The following TRAF4 variants were observed in gnomAD, a reference collection of about 807,000 sequenced individuals.
TRAF4 encodes TNF receptor-associated factor 4.
In TRAF4, 9 loss-of-function variants were observed where a neutral mutation model predicts 47.3. The ratio of observed to expected loss-of-function variants is 0.19; its 90% CI spans 0.11 to 0.33. The LOEUF (loss-of-function observed/expected upper bound fraction) is 0.33. TRAF4 is among the 10% of genes least tolerant of loss of function. The pLI is 1.00. For synonymous variants in TRAF4, 236 were observed against 236.9 expected (o/e 1.00, Z 0.04); for missense variants, 448 against 620.3 (o/e 0.72, Z 2.95).
chr17:28,744,950 GGA>G (rs2034485961), intron 1 of TRAF4: 1 of 152,358 alleles, frequency 6.6e-6, no homozygotes, highest in East Asian at 1.9e-4. Context: ...TGCCCTCTCA[GGA>G]CGCAGGTTAG....
chr17:28,748,609 C>A lies in TRAF4; in HGVS notation c.723C>A (p.Asp241Glu). The change falls in exon 6 of 7, where the codon GAC becomes GAA. Residue 241 changes from aspartate to glutamate, a missense_variant. Coordinates refer to ENST00000262395, the MANE Select transcript of TRAF4 (RefSeq NM_004295.4). ...AREDLPGHLK[D>E]SCNTALVLCP... Reference sequence around the variant, plus strand: ...AGGACCTGCCAGGCCATCTGAAGGACAGCTGTAACACCGCCCTGGTGCTCT... The same window carrying A: ...AGGACCTGCCAGGCCATCTGAAGGAAAGCTGTAACACCGCCCTGGTGCTCT... 6.2e-7 allele frequency: 1 copy of A among 1,613,224 alleles called. No homozygotes were observed. Among genetic ancestry groups the A allele is most frequent in the South Asian group, 1.1e-5 (1 of 91,074 alleles).
At chr17:28,744,397 G>T in intron 1 of TRAF4, 142 bp downstream of exon 1, 1 of 998,112 alleles carries the variant, frequency 1.0e-6, no homozygotes, top group Non-Finnish European at 1.4e-6. Context: ...ACGTCACGGG[G>T]AGGGATGACG....
intron 1 of TRAF4, chr17:28,747,003 G>T: frequency 2.1e-6 from 1 of 474,184 alleles, no homozygotes; most frequent in Non-Finnish European, 3.7e-6. Context: ...CCTCCTCTAG[G>T]CCCAGACCCC....
rs2034559557 is a variant in TRAF4 at position 28,748,977 on chromosome 17, G to A, written c.813G>A (p.Glu271=). 4 of 1,613,158 alleles carry A rather than the reference G, an allele frequency of 2.5e-6. No homozygotes were observed. The highest frequency in any genetic ancestry group is 3.4e-6 in the Non-Finnish European group (4 of 1,179,882). Residue 271 remains glutamate, a synonymous_variant, in exon 7 of 7, where the codon GAG becomes GAA. Transcript: ENST00000262395. ...CPKLAMARHV[E]ESVKPHLAMM... Reference sequence around the variant, plus strand: ...AGCTGGCAATGGCACGGCATGTGGAGGAGAGTGTGAAGCCACATCTGGCCA... The same window carrying A: ...AGCTGGCAATGGCACGGCATGTGGAAGAGAGTGTGAAGCCACATCTGGCCA...
intron 2 of TRAF4, chr17:28,747,562 T>C: frequency 1.7e-6 from 1 of 583,344 alleles, no homozygotes; most frequent in Non-Finnish European, 3.0e-6. Context: ...CCAGTATCCC[T>C]CCACCAGGGG....
chr17:28,744,843 C>G (rs1222834889), intron 1 of TRAF4: 1 of 152,982 alleles, frequency 6.5e-6, no homozygotes, highest in East Asian at 1.9e-4. Flanking sequence ...AAGGACCCCT[C>G]TAGGCGGCTC....
At chr17:28,747,114 G>T in intron 1 of TRAF4, 99 bp from the exon 2 acceptor site, 1 of 1,392,526 alleles carries the variant, frequency 7.2e-7, no homozygotes, top group Non-Finnish European at 9.9e-7. Flanking sequence ...GTTGGGAACC[G>T]GTCTGGTGAG....
In TRAF4 at chr17:28,748,567, G is replaced by A. The variant is rs1329586804; in HGVS notation, c.681G>A (p.Val227=). 6.2e-7 allele frequency: 1 copy of A among 1,613,522 alleles called. No homozygotes were observed. The highest frequency in any genetic ancestry group is 8.5e-7 in the Non-Finnish European group (1 of 1,179,986). ...LPVACPNQCG[V]GTVAREDLPG... ...TTGCCTGCCCCAACCAATGTGGTGT[G>A]GGCACTGTGGCTCGGGAGGACCTGC... Residue 227 remains valine (V), a synonymous_variant, in exon 6 of 7, where the codon GTG becomes GTA. Coordinates refer to ENST00000262395, the MANE Select transcript of TRAF4 (RefSeq NM_004295.4).
rs369370618 is a variant in TRAF4, at chr17:28,747,234, T to C, written c.165T>C (p.Pro55=). The part of the protein sequence containing the change: ...EFLSEGVFKC[P]EDQLPLDYAK... Reference sequence around the variant, plus strand: ...TCAGTGAAGGAGTCTTCAAGTGCCCTGAGGACCAGCTTCCTCTGGACTATG... The same window carrying C: ...TCAGTGAAGGAGTCTTCAAGTGCCCCGAGGACCAGCTTCCTCTGGACTATG... Residue 55 remains proline, a synonymous_variant, in exon 2 of 7, where the codon CCT becomes CCC. Coordinates refer to ENST00000262395, the MANE Select transcript of TRAF4 (RefSeq NM_004295.4). The C allele has an allele frequency of 7.3e-5, 118 of 1,613,876 alleles. No homozygotes were observed. The East Asian group carries it at 2.1e-3, about 29-fold the overall frequency.
chr17:28,747,803 C>G, intron 2 of TRAF4, 40 bp from the exon 3 acceptor site: 1 of 1,588,256 alleles, frequency 6.3e-7, no homozygotes, highest in Non-Finnish European at 8.6e-7. Flanking sequence ...GCACTGCAGT[C>G]AGCTCTGACC....
In TRAF4 at chr17:28,748,595, G is replaced by C; in HGVS notation, c.709G>C (p.Gly237Arg). Residue 237 changes from glycine (G) to arginine (R), a missense_variant, in exon 6 of 7, where the codon GGC (glycine) becomes CGC (arginine). Coordinates refer to ENST00000262395, the MANE Select transcript of TRAF4 (RefSeq NM_004295.4). ...VGTVAREDLP[G>R]HLKDSCNTAL... ...CACTGTGGCTCGGGAGGACCTGCCA[G>C]GCCATCTGAAGGACAGCTGTAACAC... The C allele has an allele frequency of 1.2e-6, 2 of 1,613,338 alleles. No individual in the cohort carries two copies.
Position 28,744,142 on chromosome 17 carries a change from G to A in TRAF4, c.30G>A (p.Glu10=). The A allele has an allele frequency of 6.3e-7, 1 of 1,591,540 alleles. No individual in the cohort carries two copies. The highest frequency in any genetic ancestry group is 8.5e-7 in the Non-Finnish European group (1 of 1,176,758). The change falls in exon 1 of 7, where the codon GAG becomes GAA. Residue 10 remains glutamate, a synonymous_variant. Transcript: ENST00000262395. MPGFDYKFL[E]KPKRRLLCPL... The stretch of plus-strand genomic sequence containing the variant: ...CTGGCTTCGACTACAAGTTCCTGGA[G>A]AAGCCCAAGCGACGGCTGCTGTGCC...
In TRAF4 at chr17:28,747,590, A is replaced by G. The variant is rs1048169196; in HGVS notation, c.196-253A>G. Reference sequence around the variant, plus strand: ...ACCAGGGGAAAGGAAGCAGAGCCCCAGGGACAGCCTGGGATTGAGCAGGCT... The same window carrying G: ...ACCAGGGGAAAGGAAGCAGAGCCCCGGGGACAGCCTGGGATTGAGCAGGCT... On this transcript the variant is annotated intron_variant, in intron 2 of 6. Coordinates refer to ENST00000262395, the MANE Select transcript of TRAF4 (RefSeq NM_004295.4). 2.6e-5 allele frequency: 15 copies of G among 585,076 alleles called. No homozygotes were observed. In the African/African-American group the frequency reaches 2.6e-4, roughly 10 times the overall value. The allele number at this position is 585,076 out of a possible 1,614,324, so 36.2% of individuals were successfully genotyped here.
At chr17:28,746,517 G>C (rs2034515350) in intron 1 of TRAF4, among the ~76,000 whole-genome samples, 2 of 152,244 alleles carry the variant, frequency 1.3e-5, no homozygotes, top group South Asian at 4.1e-4. Context: ...TCTTCCTTGT[G>C]TGTGTGGTGT....
chr17:28,749,444 T>C lies in TRAF4; in HGVS notation c.1280T>C (p.Leu427Pro). 3 of 1,614,002 alleles carry C rather than the reference T, an allele frequency of 1.9e-6. No homozygotes were observed. Among genetic ancestry groups the C allele is most frequent in the Non-Finnish European group, 2.5e-6 (3 of 1,180,032 alleles). The change falls in exon 7 of 7, where the codon CTG (leucine) becomes CCG (proline). Residue 427 changes from leucine to proline, a missense_variant. By Grantham distance (98) the Leu-to-Pro change is moderately conservative (BLOSUM62 -3). Coordinates refer to ENST00000262395, the MANE Select transcript of TRAF4 (RefSeq NM_004295.4). Reference protein sequence around the residue: ...FQKPGTWRGSLDESSLGFGYP... With the variant: ...FQKPGTWRGSPDESSLGFGYP... Reference sequence around the variant, plus strand: ...AAGCCAGGCACGTGGCGGGGCTCCCTGGATGAGAGTTCTCTGGGCTTTGGT... The same window carrying C: ...AAGCCAGGCACGTGGCGGGGCTCCCCGGATGAGAGTTCTCTGGGCTTTGGT...
intron 2 of TRAF4, chr17:28,747,524 G>A (rs560828509): frequency 8.2e-5 from 47 of 575,618 alleles, no homozygotes; most frequent in Non-Finnish European, 9.2e-5. Flanking sequence ...CTCCCCTTCC[G>A]GTGGCAAGCC....
chr17:28,748,867 C>T (rs1167257727), intron 6 of TRAF4, 78 bp from the exon 7 acceptor site: 1 of 1,518,500 alleles, frequency 6.6e-7, no homozygotes, highest in African/African-American at 1.4e-5. Flanking sequence ...ACCCTGTACC[C>T]ACTCCTCTCC....
chr17:28,747,621 G>C, intron 2 of TRAF4: 1 of 594,196 alleles, frequency 1.7e-6, no homozygotes, highest in Non-Finnish European at 3.0e-6. Flanking sequence ...AGGCTGATTG[G>C]CTGCCTCTTC....
rs371551731 is a variant in TRAF4 at position 28,748,967 on chromosome 17, G to A, written c.803G>A (p.Arg268Gln). ...KHRCPKLAMA[R>Q]HVEESVKPHL... ...CAGTGCCCTAAGCTGGCAATGGCACGGCATGTGGAGGAGAGTGTGAAGCCA... is the reference window on the plus strand; with the variant it reads ...CAGTGCCCTAAGCTGGCAATGGCACAGCATGTGGAGGAGAGTGTGAAGCCA... Residue 268 changes from arginine to glutamine, a missense_variant, in exon 7 of 7, where the codon CGG becomes CAG. Transcript: ENST00000262395. 8.1e-5 allele frequency: 130 copies of A among 1,612,004 alleles called. No homozygotes were observed. Among genetic ancestry groups the A allele is most frequent in the Non-Finnish European group, 1.0e-4 (122 of 1,179,268 alleles).
Sources: gnomAD v4.1 joint callset for allele counts (sites outside exome capture counted in the v4.1 genomes callset) on GRCh38, gnomAD v4.1.1 for gene constraint, MANE v1.5 for transcripts, NCBI Gene and HGNC (gene_info 2026-07-23, HGNC 2026-07-21) for gene names.